TGFA: variants seen among roughly 807,000 people sequenced by gnomAD.
TGFA encodes the protein protransforming growth factor alpha.
In TGFA, 12 loss-of-function variants were observed where a neutral mutation model predicts 21.7. That is an observed-to-expected ratio of 0.55 (90% CI 0.35 to 0.90). The LOEUF is 0.90. Ranked by LOEUF, TGFA falls within the 40% of genes least tolerant of loss-of-function variation. The pLI is 0.01. For missense variants in TGFA, 178 were observed against 210.8 expected (o/e 0.84, Z 0.96); for synonymous variants, 79 against 88.1 (o/e 0.90, Z 0.58).
intron 2 of TGFA, among the ~76,000 whole-genome samples, chr2:70,487,967 C>T (rs972402861): frequency 6.6e-6 from 1 of 152,194 alleles, no homozygotes. Context: ...CATAACCGTT[C>T]CAATGCTAGA....
intron 1 of TGFA, among the ~76,000 whole-genome samples, chr2:70,539,140 G>T (rs1412810436): frequency 6.6e-6 from 1 of 152,188 alleles, no homozygotes; most frequent in Non-Finnish European, 1.5e-5. Context: ...TAGGCATAAT[G>T]CTATTGCACA....
At chr2:70,455,651 T>C (rs1162160116) in intron 4 of TGFA, among the ~76,000 whole-genome samples, 1 of 152,188 alleles carries the variant, frequency 6.6e-6, no homozygotes, top group East Asian at 1.9e-4. Context: ...CTTTAGATAT[T>C]TCCAGGGAAT....
intron 4 of TGFA, among the ~76,000 whole-genome samples, chr2:70,455,334 C>T (rs767333320): frequency 6.6e-6 from 1 of 152,134 alleles, no homozygotes; most frequent in Non-Finnish European, 1.5e-5. Context: ...AGCCACAAAC[C>T]AAAGGGACAG....
chr2:70,535,413 CA>C (rs1199669618), intron 1 of TGFA, among the ~76,000 whole-genome samples: 2 of 152,116 alleles, frequency 1.3e-5, no homozygotes, highest in Non-Finnish European at 2.9e-5. Flanking sequence ...AATAAATCAC[CA>C]AAATAAATAT....
chr2:70,468,162 G>A (rs1186502763), intron 2 of TGFA, among the ~76,000 whole-genome samples: 1 of 152,214 alleles, frequency 6.6e-6, no homozygotes, highest in Non-Finnish European at 1.5e-5. Context: ...AACCACTACA[G>A]TAAGTAATCC....
At chr2:70,521,617 G>GTTTTTTTTTTTTTTTTTTTTTTTT (rs35177436) in intron 1 of TGFA, among the ~76,000 whole-genome samples, 19 of 87,096 alleles carry the variant, frequency 2.2e-4, no homozygotes, top group Non-Finnish European at 3.1e-4. Flanking sequence ...TTGTTTGTTT[G>GTTTTTTTTTTTTTTTTTTTTTTTT]TTTTTTTTTT....
rs148075362 is a variant in TGFA at position 70,547,683 on chromosome 2, AT to A, written c.40+6044del. ...AATAGATACTTACACTATCTATATA[AT>A]AGTATAAAAATAGAATAAGTATAGA... On this transcript the variant is annotated intron_variant, in intron 1 of 5. Coordinates refer to ENST00000295400, the MANE Select transcript of TGFA (RefSeq NM_003236.4). Among the ~76,000 whole-genome samples the A allele has an allele frequency of 7.5e-3, 1,120 of 148,812 alleles. 15 individuals carry two copies. The highest frequency in any genetic ancestry group is 0.026 in the African/African-American group (1,062 of 40,976).
In TGFA at chr2:70,447,567, A is replaced by C. The variant is rs1406541637; in HGVS notation, c.*3292T>G. 2.0e-5 allele frequency: 3 copies of C among 152,652 alleles called. No homozygotes were observed. The highest frequency in any genetic ancestry group is 7.2e-5 in the African/African-American group (3 of 41,466). 9.5% of individuals were successfully genotyped at this position (152,652 alleles called of 1,614,324 possible). A position where few individuals can be genotyped will look rare whatever the true frequency, so the allele number is the denominator to read the frequency against. ...TCTAAAAAAAAGCATCAGGTTTATT[A>C]TAATAAAGATAATGAAAAGTTGACC... is the stretch of plus-strand genomic sequence containing the variant. On this transcript the variant is annotated 3_prime_UTR_variant, in exon 6 of 6. Coordinates refer to ENST00000295400, the MANE Select transcript of TGFA (RefSeq NM_003236.4).
intron 2 of TGFA, among the ~76,000 whole-genome samples, chr2:70,491,132 TCAGCTCCTATGGCCCCAC>T (rs1261718390): frequency 1.3e-5 from 2 of 152,232 alleles, no homozygotes; most frequent in African/African-American, 4.8e-5. Context: ...GAAGGCACTG[TCAGCTCCTATGGCCCCAC>T]CAGAAACCCA....
chr2:70,478,222 G>A (rs1222532090), intron 2 of TGFA, among the ~76,000 whole-genome samples: 3 of 152,142 alleles, frequency 2.0e-5, no homozygotes, highest in African/African-American at 7.2e-5. Flanking sequence ...GTGTGGATGG[G>A]GCAAAGGCTG....
intron 1 of TGFA, among the ~76,000 whole-genome samples, chr2:70,517,974 C>G (rs1407415650): frequency 1.3e-5 from 2 of 152,274 alleles, no homozygotes; most frequent in African/African-American, 4.8e-5. Flanking sequence ...GCTTAGAAAG[C>G]CAGGCTGTGT....
intron 1 of TGFA, among the ~76,000 whole-genome samples, chr2:70,536,765 C>A (rs573041437): frequency 6.6e-6 from 1 of 152,148 alleles, no homozygotes; most frequent in Admixed American, 6.5e-5. Flanking sequence ...AAAATCAATA[C>A]GCTAAGCTTC....
At chr2:70,477,324 C>T (rs1006405013) in intron 2 of TGFA, among the ~76,000 whole-genome samples, 2 of 152,286 alleles carry the variant, frequency 1.3e-5, no homozygotes, top group African/African-American at 4.8e-5. Flanking sequence ...TCTCTATGGA[C>T]AGAAACCTCA....
At chr2:70,547,566 AAAAC>A (rs1673346591) in intron 1 of TGFA, among the ~76,000 whole-genome samples, 4 of 150,426 alleles carry the variant, frequency 2.7e-5, no homozygotes, top group Admixed American at 1.3e-4. Context: ...AAAAACATGA[AAAAC>A]AAACAAAAAC....
chr2:70,531,256 C>T (rs1295971463), intron 1 of TGFA, among the ~76,000 whole-genome samples: 3 of 152,134 alleles, frequency 2.0e-5, no homozygotes, highest in Admixed American at 6.5e-5. Flanking sequence ...CCTCTTACTT[C>T]GAGGGGAGGC....
chr2:70,453,927 G>A (rs781935368), intron 4 of TGFA, among the ~76,000 whole-genome samples: 7 of 151,960 alleles, frequency 4.6e-5, no homozygotes, highest in Admixed American at 1.3e-4. Flanking sequence ...TGTGTGACCC[G>A]GAGTCCTGAG....
chr2:70,486,055 T>A (rs183206554), intron 2 of TGFA, among the ~76,000 whole-genome samples: 2 of 152,342 alleles, frequency 1.3e-5, no homozygotes, highest in Admixed American at 6.5e-5. Flanking sequence ...TACAGTGCCC[T>A]GAACATATTT....
chr2:70,477,430 G>A (rs1370835265), intron 2 of TGFA, among the ~76,000 whole-genome samples: 1 of 152,040 alleles, frequency 6.6e-6, no homozygotes, highest in Non-Finnish European at 1.5e-5. Context: ...TCTTTTAATT[G>A]AAAGAGTTCA....
Position 70,466,365 on chromosome 2 carries a change from G to A in TGFA, c.95-629C>T, listed in dbSNP as rs187903089. On this transcript the variant is annotated intron_variant, in intron 2 of 5. Transcript: ENST00000295400. Reference sequence around the variant, plus strand: ...TACTAAAAATACAAAAAATTAGCCGGGCGAGGTGACGGGCGACTGTAGTCC... The same window carrying A: ...TACTAAAAATACAAAAAATTAGCCGAGCGAGGTGACGGGCGACTGTAGTCC... Among the ~76,000 whole-genome samples the A allele has an allele frequency of 1.7e-4, 26 of 152,276 alleles. 1 individual carries two copies. Among genetic ancestry groups the A allele is most frequent in the African/African-American group, 6.3e-4 (26 of 41,550 alleles).
Sources: allele counts gnomAD v4.1 joint callset (sites outside exome capture counted in the v4.1 genomes callset), GRCh38; gene constraint gnomAD v4.1.1; transcripts MANE v1.5; gene names NCBI Gene and HGNC (gene_info 2026-07-23, HGNC 2026-07-21).